The following RERE variants were observed in gnomAD, a reference collection of about 807,000 sequenced individuals.
RERE encodes arginine-glutamic acid dipeptide repeats protein.
A neutral mutation model predicts 146.1 loss-of-function variants in RERE; 40 were observed. The observed-to-expected ratio is 0.27, with a 90% CI of 0.21 to 0.36. The LOEUF is 0.36. Among genes scored for constraint, RERE ranks in the 10% least tolerant of loss-of-function variants. The pLI is 1.00. For missense variants in RERE, 1,933 were observed against 2,138.7 expected, an observed-to-expected ratio of 0.90 and a Z score of 1.90; for synonymous variants, 1,003 against 866.0, an observed-to-expected ratio of 1.16 and a Z score of -2.78.
intron 1 of RERE, among the ~76,000 whole-genome samples, chr1:8,783,097 G>T (rs1641195185): frequency 1.3e-5 from 2 of 152,098 alleles, no homozygotes; most frequent in African/African-American, 2.4e-5. Context: ...ACTTGGGGAG[G>T]GCGAGACAAG....
intron 7 of RERE, among the ~76,000 whole-genome samples, chr1:8,539,777 TA>T (rs1645775493): frequency 2.0e-5 from 3 of 152,156 alleles, no homozygotes; most frequent in African/African-American, 7.2e-5. Context: ...CATCAAGCAC[TA>T]TCTAGAATCT....
chr1:8,498,837 C>T (rs756021856), intron 8 of RERE, among the ~76,000 whole-genome samples: 63 of 147,304 alleles, frequency 4.3e-4, no homozygotes, highest in Admixed American at 1.6e-3. Context: ...GAAGGAATTG[C>T]TTGTGAAGAA....
chr1:8,728,049 C>T (rs560970220), intron 1 of RERE, among the ~76,000 whole-genome samples: 3 of 152,366 alleles, frequency 2.0e-5, no homozygotes, highest in East Asian at 1.9e-4. Context: ...CCAGAGGCTA[C>T]TTCTGCAGCT....
intron 11 of RERE, among the ~76,000 whole-genome samples, chr1:8,436,695 G>T (rs1018450088): frequency 6.6e-6 from 1 of 152,048 alleles, no homozygotes; most frequent in Non-Finnish European, 1.5e-5. Flanking sequence ...ACTTTAAAAA[G>T]AAACAGGTAA....
intron 11 of RERE, among the ~76,000 whole-genome samples, chr1:8,438,260 GGAT>G (rs1335451626): frequency 1.2e-5 from 1 of 82,622 alleles, no homozygotes; most frequent in Non-Finnish European, 2.2e-5. Flanking sequence ...CAAAGAGTTG[GGAT>G]TATGGCATGA....
At chr1:8,461,396 C>T (rs1322571610) in intron 11 of RERE, among the ~76,000 whole-genome samples, 2 of 152,232 alleles carry the variant, frequency 1.3e-5, no homozygotes, top group Middle Eastern at 3.4e-3. Context: ...CTTACCCATA[C>T]CTTGGTATTT....
At chr1:8,680,311 T>C (rs1444040380) in intron 1 of RERE, among the ~76,000 whole-genome samples, 2 of 152,208 alleles carry the variant, frequency 1.3e-5, no homozygotes, top group African/African-American at 2.4e-5. Context: ...CAGGTACCAA[T>C]GATCTCTGAG....
chr1:8,768,794 CA>C (rs1222268215), intron 1 of RERE, among the ~76,000 whole-genome samples: 1 of 152,096 alleles, frequency 6.6e-6, no homozygotes, highest in Non-Finnish European at 1.5e-5. Flanking sequence ...TCTCATAATA[CA>C]AGAGCTCTAA....
At chr1:8,615,563 CT>C (rs1309368991) in intron 3 of RERE, among the ~76,000 whole-genome samples, 1 of 151,904 alleles carries the variant, frequency 6.6e-6, no homozygotes, top group Admixed American at 6.6e-5. Context: ...TTTGAATGAA[CT>C]AAAAAAAATC....
At chr1:8,371,628 C>T (rs923875642) in intron 12 of RERE, among the ~76,000 whole-genome samples, 40 of 152,226 alleles carry the variant, frequency 2.6e-4, no homozygotes, top group African/African-American at 8.9e-4. Context: ...TCAGCCACCA[C>T]TTTATTTCTG....
At chr1:8,764,152 C>T (rs1640805724) in intron 1 of RERE, among the ~76,000 whole-genome samples, 1 of 152,106 alleles carries the variant, frequency 6.6e-6, no homozygotes, top group South Asian at 2.1e-4. Flanking sequence ...CTGCCTCCTC[C>T]AGGTCAAAGA....
intron 6 of RERE, among the ~76,000 whole-genome samples, chr1:8,550,760 C>A (rs895108868): frequency 1.3e-5 from 2 of 152,132 alleles, no homozygotes; most frequent in African/African-American, 4.8e-5. Flanking sequence ...GTTGGCCAGG[C>A]TGGTCTTGAA....
At chr1:8,389,025 T>C (rs755966482) in intron 12 of RERE, among the ~76,000 whole-genome samples, 1 of 152,190 alleles carries the variant, frequency 6.6e-6, no homozygotes, top group Non-Finnish European at 1.5e-5. Context: ...TTCTCTTTCT[T>C]AGGATCACTG....
intron 1 of RERE, among the ~76,000 whole-genome samples, chr1:8,798,938 C>T (rs1262653134): frequency 5.9e-5 from 9 of 152,056 alleles, no homozygotes; most frequent in South Asian, 2.1e-4. Context: ...GTGATCCACC[C>T]GCCTCAGCCT....
chr1:8,716,202 C>G (rs1479433792), intron 1 of RERE, among the ~76,000 whole-genome samples: 1 of 150,748 alleles, frequency 6.6e-6, no homozygotes, highest in Non-Finnish European at 1.5e-5. Flanking sequence ...GTGGCTCATG[C>G]CTATAATTCT....
At position 8,656,402 on chromosome 1, in the gene RERE, A is replaced by C; in HGVS notation, c.-105T>G. The C allele has an allele frequency of 7.0e-7, 1 of 1,428,104 alleles. No homozygotes were observed. The highest frequency in any genetic ancestry group is 1.4e-5 in the South Asian group (1 of 69,778). 88.5% of individuals were successfully genotyped at this position (1,428,104 alleles called of 1,614,324 possible). On this transcript the variant is annotated 5_prime_UTR_variant, in exon 2 of 23. Transcript: ENST00000400908. ...CTGAATTTCTCACTCAATTCCAGGGAAAATCCAACCACTCCAACAACCCCA... is the reference window on the plus strand; with the variant it reads ...CTGAATTTCTCACTCAATTCCAGGGCAAATCCAACCACTCCAACAACCCCA...
intron 1 of RERE, among the ~76,000 whole-genome samples, chr1:8,677,452 A>G (rs1638868105): frequency 6.6e-6 from 1 of 150,888 alleles, no homozygotes. Context: ...AAAGAAAGAA[A>G]AGAAAAAAAA....
chr1:8,561,988 A>C (rs1646084428), intron 4 of RERE, among the ~76,000 whole-genome samples: 1 of 152,208 alleles, frequency 6.6e-6, no homozygotes. Context: ...TTGGGCAAGT[A>C]ACTTCTCCAA....
chr1:8,428,761 G>A (rs1311073273), intron 11 of RERE, among the ~76,000 whole-genome samples: 1 of 152,076 alleles, frequency 6.6e-6, no homozygotes, highest in Non-Finnish European at 1.5e-5. Context: ...TTTAGACCTA[G>A]CCACTTTAGA....
Sources: allele counts gnomAD v4.1 joint callset (sites outside exome capture counted in the v4.1 genomes callset), GRCh38; gene constraint gnomAD v4.1.1; transcripts MANE v1.5; gene names NCBI Gene and HGNC (gene_info 2026-07-23, HGNC 2026-07-21).